The following LUZP2 variants were observed in gnomAD, a reference collection of about 807,000 sequenced individuals.
LUZP2 encodes the protein leucine zipper protein 2.
A neutral mutation model predicts 51.6 loss-of-function variants in LUZP2; 52 were observed. The observed-to-expected ratio is 1.01, with a 90% CI of 0.81 to 1.27. LUZP2 has a LOEUF of 1.27. Among genes scored for constraint, LUZP2 ranks in the 50% most tolerant of loss-of-function variants. The pLI is 0.00. For synonymous variants in LUZP2, 154 were observed against 137.3 expected (o/e 1.12, Z -0.85); for missense variants, 436 against 395.4 (o/e 1.10, Z -0.87).
intron 5 of LUZP2, among the ~76,000 whole-genome samples, chr11:24,808,083 A>G (rs7934357): frequency 0.012 from 1,897 of 152,314 alleles, 52 homozygotes; most frequent in African/African-American, 0.043. Flanking sequence ...TAATAGTAAT[A>G]GAAATAAGAA....
chr11:25,078,276 C>T (rs1859374292), intron 11 of LUZP2, among the ~76,000 whole-genome samples: 1 of 152,140 alleles, frequency 6.6e-6, no homozygotes, highest in South Asian at 2.1e-4. Context: ...TATTTTCAAA[C>T]TTTGAATTAG....
At chr11:24,580,441 G>A (rs1852808083) in intron 1 of LUZP2, among the ~76,000 whole-genome samples, 1 of 152,030 alleles carries the variant, frequency 6.6e-6, no homozygotes, top group African/African-American at 2.4e-5. Context: ...TGTGATAAAT[G>A]CACTGTATTT....
chr11:24,575,513 C>T (rs532082611), intron 1 of LUZP2, among the ~76,000 whole-genome samples: 285 of 152,218 alleles, frequency 1.9e-3, no homozygotes, highest in African/African-American at 6.6e-3. Flanking sequence ...TAGAATGATT[C>T]ATGATTCCTA....
In LUZP2 at chr11:25,030,914, TG is replaced by T. The variant is rs1157108752; in HGVS notation, c.766-19123del. On this transcript the variant is annotated intron_variant, in intron 9 of 11. Transcript: ENST00000336930. ...TATTATATATATATATAATATATAT[TG>T]TATTATATATATATAATATATATTA... is the stretch of plus-strand genomic sequence containing the variant. Among the ~76,000 whole-genome samples, 242 of 33,952 alleles carry T rather than the reference TG, an allele frequency of 7.1e-3. 37 individuals carry two copies. Among genetic ancestry groups the T allele is most frequent in the South Asian group, 0.037 (33 of 882 alleles). 22.3% of individuals were successfully genotyped at this position (33,952 alleles called of 152,430 possible).
chr11:24,898,630 A>G (rs1853165673), intron 5 of LUZP2, among the ~76,000 whole-genome samples: 1 of 30,718 alleles, frequency 3.3e-5, no homozygotes, highest in African/African-American at 1.5e-4. Context: ...GTCAGGAAGA[A>G]AAAAAAAAAA....
chr11:24,909,737 A>C (rs1379352394), intron 6 of LUZP2, among the ~76,000 whole-genome samples: 1 of 152,040 alleles, frequency 6.6e-6, no homozygotes, highest in Non-Finnish European at 1.5e-5. Context: ...AGTCAATTAA[A>C]CTCTTTCCTT....
intron 10 of LUZP2, among the ~76,000 whole-genome samples, chr11:25,060,441 T>C (rs1351763149): frequency 2.6e-5 from 4 of 152,208 alleles, no homozygotes; most frequent in African/African-American, 9.6e-5. Context: ...TCCAACGCCT[T>C]ATCCCATTAC....
intron 1 of LUZP2, among the ~76,000 whole-genome samples, chr11:24,713,308 C>G (rs1228799598): frequency 2.0e-5 from 3 of 151,966 alleles, no homozygotes; most frequent in African/African-American, 7.3e-5. Context: ...GAAAAAACTA[C>G]CTGTGTCATC....
intron 7 of LUZP2, among the ~76,000 whole-genome samples, chr11:24,956,775 A>G (rs1448337483): frequency 1.3e-5 from 2 of 152,052 alleles, no homozygotes; most frequent in Admixed American, 6.6e-5. Flanking sequence ...AGAAAGTGGG[A>G]TTTGGTAGAG....
chr11:24,686,428 T>TA (rs757295102), intron 1 of LUZP2, among the ~76,000 whole-genome samples: 2 of 152,094 alleles, frequency 1.3e-5, no homozygotes, highest in African/African-American at 4.8e-5. Context: ...TAGAATACAA[T>TA]AAAAAAGCCA....
intron 5 of LUZP2, among the ~76,000 whole-genome samples, chr11:24,820,245 G>A (rs1396780826): frequency 6.6e-6 from 1 of 152,134 alleles, no homozygotes; most frequent in African/African-American, 2.4e-5. Context: ...CCATGTCATA[G>A]GCACTCACAG....
At chr11:24,968,493 T>C (rs972851955) in intron 7 of LUZP2, among the ~76,000 whole-genome samples, 8 of 152,154 alleles carry the variant, frequency 5.3e-5, no homozygotes, top group Non-Finnish European at 1.2e-4. Flanking sequence ...TAAGAGTTTA[T>C]GGGTGTCTCT....
intron 5 of LUZP2, among the ~76,000 whole-genome samples, chr11:24,858,585 A>G (rs1193452823): frequency 6.6e-6 from 1 of 152,238 alleles, no homozygotes; most frequent in Non-Finnish European, 1.5e-5. Flanking sequence ...ACAATAAAAG[A>G]GCTATTGCCA....
intron 6 of LUZP2, among the ~76,000 whole-genome samples, chr11:24,910,229 T>G (rs78404639): frequency 0.028 from 4,276 of 152,124 alleles, 217 homozygotes; most frequent in African/African-American, 0.098. Context: ...TTTGGAAAAT[T>G]TGCATACTGA....
chr11:24,984,549 T>TATATATATATA (rs60530495), intron 9 of LUZP2, among the ~76,000 whole-genome samples: 1 of 71,222 alleles, frequency 1.4e-5, no homozygotes, highest in South Asian at 5.9e-4. Context: ...TATATATATA[T>TATATATATATA]AATTGTGAAT....
intron 1 of LUZP2, among the ~76,000 whole-genome samples, chr11:24,716,809 T>A (rs1220554572): frequency 6.6e-6 from 1 of 152,042 alleles, no homozygotes; most frequent in African/African-American, 2.4e-5. Flanking sequence ...GGCAGGAGAA[T>A]CTCTTGAACT....
intron 9 of LUZP2, 80 bp from the exon 10 acceptor site, chr11:25,049,958 C>T (rs1475974043): frequency 1.6e-5 from 11 of 694,998 alleles, no homozygotes; most frequent in African/African-American, 9.2e-5. Context: ...TACAATAAAA[C>T]GATTTGGATC....
At chr11:24,620,773 A>G (rs965823840) in intron 1 of LUZP2, among the ~76,000 whole-genome samples, 5 of 152,216 alleles carry the variant, frequency 3.3e-5, no homozygotes, top group African/African-American at 1.2e-4. Context: ...ATACACTCAC[A>G]GTGGGAGTGG....
chr11:24,963,144 C>T (rs1019403770), intron 7 of LUZP2, among the ~76,000 whole-genome samples: 11 of 152,190 alleles, frequency 7.2e-5, no homozygotes, highest in Non-Finnish European at 1.2e-4. Flanking sequence ...GAGGAGTACC[C>T]GGCCGTGTGA....
Sources: gnomAD v4.1 joint callset for allele counts (sites outside exome capture counted in the v4.1 genomes callset) on GRCh38, gnomAD v4.1.1 for gene constraint, MANE v1.5 for transcripts, NCBI Gene and HGNC (gene_info 2026-07-23, HGNC 2026-07-21) for gene names.